The following ENTPD1 variants were observed in gnomAD, a reference collection of about 807,000 sequenced individuals.
The protein encoded by ENTPD1 is ATP diphosphohydrolase.
A neutral mutation model predicts 57.0 loss-of-function variants in ENTPD1; 33 were observed. That is an observed-to-expected ratio of 0.58 (90% CI 0.44 to 0.77). The LOEUF (loss-of-function observed/expected upper bound fraction) is 0.77. ENTPD1 is among the 30% of genes least tolerant of loss of function. The pLI is 0.00. For missense variants in ENTPD1, 501 were observed against 603.4 expected (o/e 0.83, Z 1.78); for synonymous variants, 202 against 218.8 (o/e 0.92, Z 0.68).
At position 95,874,239 on chromosome 10, in the gene ENTPD1, T is replaced by C. The variant is rs1471000799; in HGVS notation, c.*7856T>C. 6.6e-6 allele frequency among the ~76,000 whole-genome samples: 1 copy of C among 152,124 alleles called. No individual in the cohort carries two copies. The highest frequency in any genetic ancestry group is 1.5e-5 in the Non-Finnish European group (1 of 68,018). ...AAAAGCAAGCTAGTTACCTCCTAGA[T>C]ACAATGGGGGGTACAGGTATTGGGT... On this transcript the variant is annotated 3_prime_UTR_variant, in exon 10 of 10. Transcript: ENST00000371205.
chr10:95,761,139 A>G (rs756629086), intron 1 of ENTPD1, among the ~76,000 whole-genome samples: 24 of 152,168 alleles, frequency 1.6e-4, no homozygotes, highest in Admixed American at 3.3e-4. Flanking sequence ...CATAGAGTCT[A>G]TTCTTTTAAG....
intron 1 of ENTPD1, among the ~76,000 whole-genome samples, chr10:95,749,987 G>A (rs2098010038): frequency 6.6e-6 from 1 of 152,170 alleles, no homozygotes; most frequent in Non-Finnish European, 1.5e-5. Flanking sequence ...GAGATGATGT[G>A]GCTTGGATCA....
At chr10:95,827,830 A>G (rs1179769704) in intron 2 of ENTPD1, among the ~76,000 whole-genome samples, 8 of 152,172 alleles carry the variant, frequency 5.3e-5, no homozygotes, top group African/African-American at 1.2e-4. Context: ...TTTTCATACT[A>G]TCTTCAAATT....
At chr10:95,828,957 C>T (rs1011964374) in intron 2 of ENTPD1, among the ~76,000 whole-genome samples, 2 of 152,076 alleles carry the variant, frequency 1.3e-5, no homozygotes, top group East Asian at 1.9e-4. Context: ...TTGATCTGCC[C>T]GCCTCGGCCT....
chr10:95,832,253 C>A (rs139961910), intron 2 of ENTPD1, among the ~76,000 whole-genome samples: 1 of 152,172 alleles, frequency 6.6e-6, no homozygotes, highest in Non-Finnish European at 1.5e-5. Flanking sequence ...TAGTTCCCCA[C>A]TCTTACCCTC....
chr10:95,857,350 AAG>A (rs2098456954), intron 7 of ENTPD1, among the ~76,000 whole-genome samples: 1 of 152,228 alleles, frequency 6.6e-6, no homozygotes, highest in Admixed American at 6.5e-5. Context: ...TAGCAAAAGC[AAG>A]AGAGTTTCTA....
chr10:95,858,380 GT>G (rs982959167), intron 7 of ENTPD1, among the ~76,000 whole-genome samples: 7 of 152,222 alleles, frequency 4.6e-5, no homozygotes, highest in African/African-American at 1.2e-4. Flanking sequence ...AACATGCCTG[GT>G]TTTCAGCGAC....
chr10:95,773,576 T>C (rs185612836), intron 1 of ENTPD1, among the ~76,000 whole-genome samples: 1 of 152,270 alleles, frequency 6.6e-6, no homozygotes, highest in African/African-American at 2.4e-5. Flanking sequence ...ATTTTCAGAA[T>C]GGTCAATTAA....
chr10:95,727,847 T>G (rs573098580), intron 1 of ENTPD1, among the ~76,000 whole-genome samples: 5 of 152,374 alleles, frequency 3.3e-5, no homozygotes, highest in Middle Eastern at 3.4e-3. Context: ...AGCAGTCTGA[T>G]GCCAAAATCT....
exon 1 of ENTPD1, chr10:95,711,901 C>T (rs1808787409): frequency 6.2e-7 from 1 of 1,610,256 alleles, no homozygotes; most frequent in Admixed American, 1.7e-5. Flanking sequence ...TTGGCCCCTC[C>T]AGTTTTGGTG....
At chr10:95,864,553 C>T (rs2098470703) in intron 8 of ENTPD1, among the ~76,000 whole-genome samples, 171 bp from the exon 9 acceptor site, 1 of 152,196 alleles carries the variant, frequency 6.6e-6, no homozygotes, top group African/African-American at 2.4e-5. Flanking sequence ...TAAAACCCTG[C>T]TCCCACTGAA....
At chr10:95,814,039 T>C (rs1351841542) in intron 1 of ENTPD1, among the ~76,000 whole-genome samples, 1 of 152,216 alleles carries the variant, frequency 6.6e-6, no homozygotes, top group Non-Finnish European at 1.5e-5. Context: ...CAATTTCAGA[T>C]GTGGAAGAAG....
At chr10:95,774,552 T>C (rs188079019) in intron 1 of ENTPD1, among the ~76,000 whole-genome samples, 70 of 152,346 alleles carry the variant, frequency 4.6e-4, no homozygotes, top group African/African-American at 1.4e-3. Context: ...TACATATGCC[T>C]AGCCAGTTTT....
chr10:95,779,176 C>T (rs1227790225), intron 1 of ENTPD1, among the ~76,000 whole-genome samples: 1 of 152,188 alleles, frequency 6.6e-6, no homozygotes, highest in Non-Finnish European at 1.5e-5. Flanking sequence ...TACCTTTCCA[C>T]TGTCATTAGA....
chr10:95,857,604 G>A (rs1218925537), intron 7 of ENTPD1, among the ~76,000 whole-genome samples: 1 of 152,218 alleles, frequency 6.6e-6, no homozygotes, highest in African/African-American at 2.4e-5. Context: ...AACTTTTCCA[G>A]GCATTAGCTA....
At chr10:95,752,808 A>T (rs959944373), upstream of ENTPD1, among the ~76,000 whole-genome samples, 1 of 152,154 alleles carries the variant, frequency 6.6e-6, no homozygotes, top group Non-Finnish European at 1.5e-5. Context: ...CTGGGGTTAC[A>T]CGGTGAGCCA....
At chr10:95,823,560 A>G (rs529711803) in intron 2 of ENTPD1, among the ~76,000 whole-genome samples, 196 bp downstream of exon 2, 2 of 152,330 alleles carry the variant, frequency 1.3e-5, no homozygotes, top group African/African-American at 2.4e-5. Context: ...GCCTTGAATC[A>G]TTAGTGGTGG....
intron 1 of ENTPD1, among the ~76,000 whole-genome samples, chr10:95,818,230 A>G (rs1050632195): frequency 5.3e-5 from 8 of 152,204 alleles, no homozygotes; most frequent in African/African-American, 1.9e-4. Context: ...TTCATACAAC[A>G]TGGGATATAC....
intron 7 of ENTPD1, among the ~76,000 whole-genome samples, chr10:95,849,332 G>A (rs1055154310): frequency 7.2e-5 from 11 of 152,156 alleles, no homozygotes; most frequent in African/African-American, 2.7e-4. Context: ...TGCACTATAT[G>A]TATATTATCT....
Sources: allele counts gnomAD v4.1 joint callset (sites outside exome capture counted in the v4.1 genomes callset), GRCh38; gene constraint gnomAD v4.1.1; transcripts MANE v1.5; gene names NCBI Gene and HGNC (gene_info 2026-07-23, HGNC 2026-07-21).